KLF12: variants seen among roughly 807,000 people sequenced by gnomAD.
KLF12 encodes the protein Krueppel-like factor 12.
KLF12 carries 9 observed loss-of-function variants against 37.8 expected under a neutral mutation model. That is an observed-to-expected ratio of 0.24 (90% CI 0.14 to 0.42). The LOEUF (loss-of-function observed/expected upper bound fraction) is 0.42, where lower values mean the gene tolerates loss of function less well. Among genes scored for constraint, KLF12 ranks in the 10% least tolerant of loss-of-function variants. The pLI, the probability that KLF12 is intolerant of heterozygous loss-of-function variation, is 1.00. For synonymous variants in KLF12, 208 were observed against 202.1 expected (o/e 1.03, Z -0.25); for missense variants, 411 against 516.0 (o/e 0.80, Z 1.97).
In KLF12 at chr13:73,712,885, G is replaced by C. The variant is rs191638698; in HGVS notation, c.1027+2483C>G. ...TTAGACAATGCTATTGCACACTTGAGTATAGTGTAAACACAACTTTTAAAT... is the reference window on the plus strand; with the variant it reads ...TTAGACAATGCTATTGCACACTTGACTATAGTGTAAACACAACTTTTAAAT... On this transcript the variant is annotated intron_variant, in intron 7 of 7. Transcript: ENST00000377669. Among the ~76,000 whole-genome samples the C allele has an allele frequency of 7.2e-5, 11 of 152,326 alleles. No homozygotes were observed. The East Asian group carries it at 1.9e-3, about 27-fold the overall frequency.
At chr13:74,190,107 A>T in the KLF12 span, among the ~76,000 whole-genome samples, 1 of 152,194 alleles carries the variant, frequency 6.6e-6, no homozygotes, top group Admixed American at 6.6e-5. Context: ...TGCAATACTG[A>T]AGTACACTTA....
At chr13:73,715,672 G>T in intron 6 of KLF12, 147 bp from the exon 7 acceptor site, 1 of 744,704 alleles carries the variant, frequency 1.3e-6, no homozygotes, top group Non-Finnish European at 2.1e-6. Flanking sequence ...ATCTTGGGCA[G>T]ATCTCACTTT....
intron 3 of KLF12, among the ~76,000 whole-genome samples, chr13:73,878,557 C>T (rs1886826289): frequency 1.3e-5 from 2 of 152,204 alleles, no homozygotes; most frequent in South Asian, 4.1e-4. Context: ...TCTGCCTTGG[C>T]TCCGGTTATC....
At position 74,049,107 on chromosome 13, in the gene KLF12, G is replaced by A. The variant is rs553859277; in HGVS notation, c.-31-54054C>T. On this transcript the variant is annotated intron_variant, in intron 1 of 7. Transcript: ENST00000377669. ...CCACATATCCTCGTGAACACAGCTG[G>A]AGGACTGTCCTTCTCAGCCCCAGAA... is the stretch of plus-strand genomic sequence containing the variant. 2.8e-3 allele frequency among the ~76,000 whole-genome samples: 420 copies of A among 152,298 alleles called. 6 individuals carry two copies. Among genetic ancestry groups the A allele is most frequent in the South Asian group, 0.013 (62 of 4,824 alleles).
At chr13:74,239,649 G>A in the KLF12 span, among the ~76,000 whole-genome samples, 5 of 126,006 alleles carry the variant, frequency 4.0e-5, no homozygotes, top group Non-Finnish European at 6.5e-5. Context: ...TATATATTTA[G>A]GATAGTTAGC....
At chr13:74,109,608 G>A (rs1326140181) in intron 1 of KLF12, among the ~76,000 whole-genome samples, 3 of 152,142 alleles carry the variant, frequency 2.0e-5, no homozygotes, top group African/African-American at 7.2e-5. Flanking sequence ...GAAGAAAATT[G>A]TAAGATGTCC....
At chr13:73,782,679 G>A (rs1254679182) in intron 5 of KLF12, among the ~76,000 whole-genome samples, 5 of 152,324 alleles carry the variant, frequency 3.3e-5, no homozygotes, top group South Asian at 4.1e-4. Context: ...ATGTTGAACC[G>A]ACCATACTAA....
chr13:73,694,963 T>A lies in KLF12; in HGVS notation c.*527A>T, dbSNP rs1874037617. 1 of 152,784 alleles carries A rather than the reference T, an allele frequency of 6.5e-6. No homozygotes were observed. The highest frequency in any genetic ancestry group is 1.5e-5 in the Non-Finnish European group (1 of 68,174). 9.5% of individuals were successfully genotyped at this position (152,784 alleles called of 1,614,324 possible). On this transcript the variant is annotated 3_prime_UTR_variant, in exon 8 of 8. Transcript: ENST00000377669. Reference sequence around the variant, plus strand: ...TGCCTGAGTGCCCTTTCTTTGCAGGTAATGGGACCTCTCCATCTGCTTCTT... The same window carrying A: ...TGCCTGAGTGCCCTTTCTTTGCAGGAAATGGGACCTCTCCATCTGCTTCTT...
chr13:73,793,981 T>C (rs978399870), intron 5 of KLF12, among the ~76,000 whole-genome samples: 19 of 152,176 alleles, frequency 1.2e-4, no homozygotes, highest in African/African-American at 3.9e-4. Context: ...ACTCATTCCA[T>C]CACAGATTGA....
At chr13:74,190,381 T>A in the KLF12 span, among the ~76,000 whole-genome samples, 2 of 152,230 alleles carry the variant, frequency 1.3e-5, no homozygotes, top group African/African-American at 4.8e-5. Context: ...CTTATTTCCC[T>A]TGCCTTCTTC....
At chr13:73,807,415 T>TA (rs1337905639) in intron 5 of KLF12, among the ~76,000 whole-genome samples, 2 of 152,082 alleles carry the variant, frequency 1.3e-5, no homozygotes, top group African/African-American at 4.8e-5. Context: ...AGCATTTATG[T>TA]AAAAAAGTAC....
chr13:73,731,381 A>T (rs1238077305), intron 6 of KLF12, among the ~76,000 whole-genome samples: 3 of 152,200 alleles, frequency 2.0e-5, no homozygotes, highest in African/African-American at 4.8e-5. Flanking sequence ...TTAAAAAAAT[A>T]GTAGAAACTA....
chr13:73,770,015 T>C (rs555703273), intron 5 of KLF12, among the ~76,000 whole-genome samples: 3 of 152,330 alleles, frequency 2.0e-5, no homozygotes, highest in African/African-American at 7.2e-5. Context: ...CATTAACCTA[T>C]ATTTTAATTA....
chr13:74,126,365 C>A (rs569876839), intron 1 of KLF12, among the ~76,000 whole-genome samples: 1 of 152,272 alleles, frequency 6.6e-6, no homozygotes, highest in African/African-American at 2.4e-5. Flanking sequence ...GAGACTCATT[C>A]TCACAGACAA....
At chr13:74,256,523 C>T in the KLF12 span, among the ~76,000 whole-genome samples, 3 of 152,148 alleles carry the variant, frequency 2.0e-5, no homozygotes, top group African/African-American at 7.2e-5. Context: ...GAGACACTTC[C>T]ATCAATAGGT....
the KLF12 span, among the ~76,000 whole-genome samples, chr13:74,262,499 T>C: frequency 6.6e-6 from 1 of 152,212 alleles, no homozygotes; most frequent in Non-Finnish European, 1.5e-5. Context: ...AATGGAGTGG[T>C]ACTTGCATAT....
the KLF12 span, among the ~76,000 whole-genome samples, chr13:74,280,500 A>G: frequency 6.6e-6 from 1 of 152,212 alleles, no homozygotes. Flanking sequence ...CTATACACAG[A>G]TTGTTTCTCA....
At chr13:73,856,293 A>G (rs979676007) in intron 3 of KLF12, among the ~76,000 whole-genome samples, 12 of 152,210 alleles carry the variant, frequency 7.9e-5, no homozygotes, top group African/African-American at 2.2e-4. Context: ...CCTCAGCTCA[A>G]TGTTCCTCTT....
upstream of KLF12, among the ~76,000 whole-genome samples, chr13:74,135,345 C>T (rs916236091): frequency 6.6e-6 from 1 of 151,886 alleles, no homozygotes; most frequent in East Asian, 1.9e-4. Flanking sequence ...GGGAGTCCAG[C>T]TCCACTGCCC....
Sources: gnomAD v4.1 joint callset for allele counts (sites outside exome capture counted in the v4.1 genomes callset) on GRCh38, gnomAD v4.1.1 for gene constraint, MANE v1.5 for transcripts, NCBI Gene and HGNC (gene_info 2026-07-23, HGNC 2026-07-21) for gene names.